LCP2: variants seen among roughly 807,000 people sequenced by gnomAD.
The protein encoded by LCP2 is lymphocyte cytosolic protein 2.
Under a neutral mutation model 74.5 loss-of-function variants are expected in LCP2, and 29 were observed. The ratio of observed to expected loss-of-function variants is 0.39; its 90% CI spans 0.29 to 0.53. The LOEUF (loss-of-function observed/expected upper bound fraction) is 0.53, where lower values mean the gene tolerates loss of function less well. Among genes scored for constraint, LCP2 ranks in the 20% least tolerant of loss-of-function variants. The pLI, the probability that LCP2 is intolerant of heterozygous loss-of-function variation, is 0.72. For synonymous variants in LCP2, 228 were observed against 229.5 expected (o/e 0.99, Z 0.06); for missense variants, 604 against 634.6 (o/e 0.95, Z 0.52).
chr5:170,284,586 T>C (rs1359467193), intron 3 of LCP2, among the ~76,000 whole-genome samples: 1 of 152,112 alleles, frequency 6.6e-6, no homozygotes, highest in Non-Finnish European at 1.5e-5. Context: ...GCCTCTTGGA[T>C]CTGTGGGTTT....
At chr5:170,257,146 A>G (rs932177465) in intron 16 of LCP2, among the ~76,000 whole-genome samples, 1 of 152,154 alleles carries the variant, frequency 6.6e-6, no homozygotes, top group African/African-American at 2.4e-5. Context: ...TGCACCCATC[A>G]GTCTAAACCT....
At chr5:170,281,424 T>C (rs551710804) in intron 3 of LCP2, among the ~76,000 whole-genome samples, 41 of 152,174 alleles carry the variant, frequency 2.7e-4, no homozygotes, top group Non-Finnish European at 4.7e-4. Flanking sequence ...GGACTACAGG[T>C]GCCTGCCACC....
intron 1 of LCP2, among the ~76,000 whole-genome samples, chr5:170,295,332 T>A (rs1170390753): frequency 6.6e-6 from 1 of 152,164 alleles, no homozygotes. Flanking sequence ...AGGAGCCAGT[T>A]AATAGAGAAG....
At position 170,297,427 on chromosome 5, in the gene LCP2, G is replaced by T. The variant is rs148569615; in HGVS notation, c.78+107C>A. On this transcript the variant is annotated intron_variant, in intron 1 of 20. Coordinates refer to ENST00000046794, the MANE Select transcript of LCP2 (RefSeq NM_005565.5). ...AGTAAAGTTGCCATAGGGTTCCATT[G>T]CTATCTTATACACCTCCCACATTCT... 195 of 946,254 alleles carry T rather than the reference G, an allele frequency of 2.1e-4. No homozygotes were observed. The African/African-American group carries it at 3.0e-3, about 14-fold the overall frequency. The allele number at this position is 946,254 out of a possible 1,614,324, so 58.6% of individuals were successfully genotyped here. A position where few individuals can be genotyped will look rare whatever the true frequency, so the allele number is the denominator to read the frequency against.
At chr5:170,267,690 TG>T (rs1761794184) in intron 8 of LCP2, among the ~76,000 whole-genome samples, 1 of 152,048 alleles carries the variant, frequency 6.6e-6, no homozygotes, top group Non-Finnish European at 1.5e-5. Flanking sequence ...TAGCCCTAGT[TG>T]AGTTTTATGA....
intron 2 of LCP2, among the ~76,000 whole-genome samples, chr5:170,290,554 C>G (rs187710123): frequency 3.9e-5 from 6 of 152,324 alleles, no homozygotes. Flanking sequence ...ACCTTCTCCT[C>G]TTTGCCTTTC....
chr5:170,279,108 C>A (rs1008599271), intron 3 of LCP2, among the ~76,000 whole-genome samples: 3 of 152,138 alleles, frequency 2.0e-5, no homozygotes, highest in Non-Finnish European at 4.4e-5. Flanking sequence ...CCTGGCCTCG[C>A]TCAGGACCAG....
intron 13 of LCP2, among the ~76,000 whole-genome samples, chr5:170,261,593 C>T (rs572192): frequency 0.65 from 98,669 of 152,094 alleles, 33,749 homozygotes; most frequent in African/African-American, 0.89. Flanking sequence ...CTTGCTCTTG[C>T]TTTAAAACAG....
At position 170,262,994 on chromosome 5, in the gene LCP2, T is replaced by C. The variant is rs1761687680; in HGVS notation, c.773-2A>G. 6.2e-7 allele frequency: 1 copy of C among 1,613,748 alleles called. No homozygotes were observed. The stretch of plus-strand genomic sequence containing the variant: ...TGTCAGAAAATGGTGGTTTCTTTCC[T>C]GTAAATGACAGAGAGCAGATGGGCC... On this transcript the variant is annotated splice_acceptor_variant, in intron 10 of 20. Transcript: ENST00000046794. LOFTEE classifies it high-confidence loss of function.
At chr5:170,297,109 A>G (rs1762403654) in intron 1 of LCP2, among the ~76,000 whole-genome samples, 2 of 152,154 alleles carry the variant, frequency 1.3e-5, no homozygotes, top group Non-Finnish European at 2.9e-5. Flanking sequence ...ATCTCAGAGC[A>G]TGGACTTTAA....
At chr5:170,273,041 T>TAAA (rs10675735) in intron 6 of LCP2, among the ~76,000 whole-genome samples, 8,918 of 147,532 alleles carry the variant, frequency 0.06, 297 homozygotes, top group Middle Eastern at 0.078. Flanking sequence ...ATAAACTCCT[T>TAAA]AAAAAAAAAA....
rs1466410161 is a variant in LCP2 at position 170,275,714 on chromosome 5, C to T, written c.254+81G>A. On this transcript the variant is annotated intron_variant, in intron 4 of 20. Transcript: ENST00000046794. Reference sequence around the variant, plus strand: ...GACAAATGCAGATCAAAAAGTAGGGCAAAAACAGTTCTGTGCCTCCCTTTT... The same window carrying T: ...GACAAATGCAGATCAAAAAGTAGGGTAAAAACAGTTCTGTGCCTCCCTTTT... 3.3e-6 allele frequency: 4 copies of T among 1,219,730 alleles called. No homozygotes were observed. In the Admixed American group the frequency reaches 6.0e-5, roughly 18 times the overall value. 75.6% of individuals were successfully genotyped at this position (1,219,730 alleles called of 1,614,324 possible).
chr5:170,261,775 T>C (rs1761659439), intron 13 of LCP2, among the ~76,000 whole-genome samples: 1 of 152,218 alleles, frequency 6.6e-6, no homozygotes, highest in Non-Finnish European at 1.5e-5. Flanking sequence ...CTGGGCCGTA[T>C]AATGTCCTCT....
chr5:170,270,776 G>C lies in LCP2; in HGVS notation c.466C>G (p.Leu156Val). Residue 156 changes from leucine (L) to valine (V), a missense_variant, in exon 7 of 21, where the codon CTG becomes GTG. Transcript: ENST00000046794. ...TTGGCAGGCAGGATGGAGTTCTGCA[G>C]AGCTTCCTCGTCATTGGAGGGTGGC... is the stretch of plus-strand genomic sequence containing the variant. ...EPPPSNDEEA[L>V]QNSILPAKPF... 6.2e-7 allele frequency: 1 copy of C among 1,602,984 alleles called. No homozygotes were observed. The highest frequency in any genetic ancestry group is 8.5e-7 in the Non-Finnish European group (1 of 1,174,938).
chr5:170,288,037 G>T (rs1762214715), intron 2 of LCP2, 21 bp from the exon 3 acceptor site: 1 of 1,613,248 alleles, frequency 6.2e-7, no homozygotes, highest in Non-Finnish European at 8.5e-7. Flanking sequence ...GACACATATG[G>T]CAGGCAGGTT....
rs1311959362 is a variant in LCP2 at position 170,297,414 on chromosome 5, A to G, written c.78+120T>C. On this transcript the variant is annotated intron_variant, in intron 1 of 20. Transcript: ENST00000046794. ...CGCTCACTCAACCAGTAAAGTTGCC[A>G]TAGGGTTCCATTGCTATCTTATACA... The G allele has an allele frequency of 3.7e-5, 30 of 810,438 alleles. No homozygotes were observed. The Admixed American group carries it at 4.8e-4, about 13-fold the overall frequency. The allele number at this position is 810,438 out of a possible 1,614,324, so 50.2% of individuals were successfully genotyped here.
In LCP2 at chr5:170,253,174, T is replaced by A. The variant is rs778255503; in HGVS notation, c.1190A>T (p.Asn397Ile). The A allele has an allele frequency of 6.2e-7, 1 of 1,611,898 alleles. No individual in the cohort carries two copies. The highest frequency in any genetic ancestry group is 8.5e-7 in the Non-Finnish European group (1 of 1,178,996). The change falls in exon 18 of 21, where the codon AAC becomes ATC. Residue 397 changes from asparagine to isoleucine, a missense_variant. Coordinates refer to ENST00000046794, the MANE Select transcript of LCP2 (RefSeq NM_005565.5). Reference sequence around the variant, plus strand: ...TTTGTTTGGAAGTGGCAAGGGGAAGTTTCTGCCTTCGGCTCTGATAGGTGG... The same window carrying A: ...TTTGTTTGGAAGTGGCAAGGGGAAGATTCTGCCTTCGGCTCTGATAGGTGG... Reference protein sequence around the residue: ...NRPPIRAEGRNFPLPLPNKPR... With the variant: ...NRPPIRAEGRIFPLPLPNKPR...
chr5:170,256,272 G>A lies in LCP2; in HGVS notation c.1150+254C>T, dbSNP rs886707015. The stretch of plus-strand genomic sequence containing the variant: ...TGTGTACATGTGTATGCATGTGTGT[G>A]TGTGCATGTATATGTGCATGTGTGT... On this transcript the variant is annotated intron_variant, in intron 17 of 20. Coordinates refer to ENST00000046794, the MANE Select transcript of LCP2 (RefSeq NM_005565.5). The surrounding 1 kb of genome is among the most constrained non-coding windows in gnomAD (Gnocchi z 4.5). Among the ~76,000 whole-genome samples the A allele has an allele frequency of 6.6e-6, 1 of 152,122 alleles. No individual in the cohort carries two copies. Among genetic ancestry groups the A allele is most frequent in the Admixed American group, 6.5e-5 (1 of 15,280 alleles).
chr5:170,257,501 C>T (rs1247961974), intron 16 of LCP2, among the ~76,000 whole-genome samples: 1 of 152,084 alleles, frequency 6.6e-6, no homozygotes, highest in East Asian at 1.9e-4. Flanking sequence ...CACAGGCTGC[C>T]CGTGGGCTTG....
Sources: allele counts gnomAD v4.1 joint callset (sites outside exome capture counted in the v4.1 genomes callset), GRCh38; gene constraint gnomAD v4.1.1; non-coding constraint Gnocchi (gnomAD v3.1); transcripts MANE v1.5; gene names NCBI Gene and HGNC (gene_info 2026-07-23, HGNC 2026-07-21).